The following TNC variants were observed in gnomAD, a reference collection of about 807,000 sequenced individuals.
TNC encodes tenascin C, also known as tenascin.
TNC carries 109 observed loss-of-function variants against 202.4 expected under a neutral mutation model. The ratio of observed to expected loss-of-function variants is 0.54; its 90% CI spans 0.46 to 0.63. The LOEUF is 0.63. Among genes scored for constraint, TNC ranks in the 30% least tolerant of loss-of-function variants. TNC has a pLI of 0.00. For missense variants in TNC, 2,756 were observed against 2,833.3 expected, an observed-to-expected ratio of 0.97 and a Z score of 0.62; for synonymous variants, 1,007 against 1,089.7, an observed-to-expected ratio of 0.92 and a Z score of 1.50.
intron 2 of TNC, among the ~76,000 whole-genome samples, chr9:115,087,549 TGTG>T (rs1179500223): frequency 2.3e-5 from 1 of 43,568 alleles, no homozygotes; most frequent in Non-Finnish European, 4.5e-5. Context: ...TGTGTGTGTG[TGTG>T]TGTGTGTGTG....
chr9:115,071,005 T>C (rs1253479243), intron 10 of TNC, among the ~76,000 whole-genome samples: 1 of 152,234 alleles, frequency 6.6e-6, no homozygotes, highest in Non-Finnish European at 1.5e-5. Flanking sequence ...TCCTGAGCAC[T>C]GGCTGCACCC....
In TNC at chr9:115,063,037, G is replaced by C; in HGVS notation, c.3913C>G (p.Pro1305Ala). The stretch of plus-strand genomic sequence containing the variant: ...ATTTCCATGGAACGCAGGCTGCCAG[G>C]AACCGTGAGATTGTGAGCCTCTTCC... Reference protein sequence around the residue: ...QVEEAHNLTVPGSLRSMEIPG... With the variant: ...QVEEAHNLTVAGSLRSMEIPG... Residue 1305 changes from proline to alanine, a missense_variant, in exon 13 of 28, where the codon CCT becomes GCT. This residue lies in a region of TNC where 2,559 missense variants were observed against 2,546.0 expected (regional missense o/e 1.01). Transcript: ENST00000350763. 6.2e-7 allele frequency: 1 copy of C among 1,614,130 alleles called. No homozygotes were observed.
intron 15 of TNC, chr9:115,055,388 G>A (rs1423823712): frequency 2.0e-5 from 3 of 152,588 alleles, no homozygotes; most frequent in Non-Finnish European, 4.4e-5. Flanking sequence ...GGAGCAACTA[G>A]GAGGGTGAAA....
chr9:115,067,406 G>A (rs1196303546), intron 10 of TNC, among the ~76,000 whole-genome samples: 1 of 152,128 alleles, frequency 6.6e-6, no homozygotes, highest in Non-Finnish European at 1.5e-5. Context: ...GTACCCCTTC[G>A]TGTGAATTAA....
intron 1 of TNC, among the ~76,000 whole-genome samples, chr9:115,108,775 T>C (rs887554738): frequency 7.9e-5 from 12 of 152,190 alleles, no homozygotes; most frequent in African/African-American, 2.9e-4. Flanking sequence ...GCTTCATAAA[T>C]AGAATTTGTG....
intron 1 of TNC, among the ~76,000 whole-genome samples, chr9:115,114,463 A>T (rs574369934): frequency 1.1e-4 from 16 of 152,214 alleles, no homozygotes; most frequent in Admixed American, 2.0e-4. Context: ...GAGTGACCTG[A>T]CTGCTACCTC....
At chr9:115,097,410 A>T (rs1835877815) in intron 1 of TNC, among the ~76,000 whole-genome samples, 1 of 152,238 alleles carries the variant, frequency 6.6e-6, no homozygotes. Context: ...TCCAATAGAG[A>T]ATAGATCAGA....
rs1832685026 is a variant in TNC at position 115,063,145 on chromosome 9, A to G, written c.3805T>C (p.Trp1269Arg). ...MGNLTVTEVSWDALRLNWTTP... is the reference protein window; with the variant it reads ...MGNLTVTEVSRDALRLNWTTP... ...GTCCAGTTCAGTCTGAGAGCATCCC[A>G]GCTAACCTCGGTCACTGTGAGGTTT... Residue 1269 changes from tryptophan (W) to arginine (R), a missense_variant, in exon 13 of 28, where the codon TGG (tryptophan) becomes CGG (arginine). By Grantham distance (101) the Trp-to-Arg change is moderately radical. Transcript: ENST00000350763. 1 of 1,614,098 alleles carries G rather than the reference A, an allele frequency of 6.2e-7. No individual in the cohort carries two copies.
At chr9:115,075,552 C>T (rs796861893) in intron 9 of TNC, among the ~76,000 whole-genome samples, 2 of 152,166 alleles carry the variant, frequency 1.3e-5, no homozygotes, top group Non-Finnish European at 2.9e-5. Context: ...TTTGGGAGGC[C>T]GAGGTGGGCG....
At chr9:115,108,656 G>T (rs117107472) in intron 1 of TNC, among the ~76,000 whole-genome samples, 1,535 of 152,218 alleles carry the variant, frequency 0.01, 11 homozygotes, top group Admixed American at 0.019. Context: ...CCCCTGCTAT[G>T]GTCTGAATGT....
chr9:115,063,828 C>G lies in TNC; in HGVS notation c.3728G>C (p.Ser1243Thr), dbSNP rs768261390. 11 of 1,613,856 alleles carry G rather than the reference C, an allele frequency of 6.8e-6. No homozygotes were observed. Among genetic ancestry groups the G allele is most frequent in the Admixed American group, 1.7e-5 (1 of 59,992 alleles). The change falls in exon 12 of 28, where the codon AGC becomes ACC. Residue 1243 changes from serine (S) to threonine (T), a missense_variant. By Grantham distance (58) the Ser-to-Thr change is moderately conservative (BLOSUM62 1). Coordinates refer to ENST00000350763, the MANE Select transcript of TNC (RefSeq NM_002160.4). ...ITIRGVTQDF[S>T]TTPLSVEVLT... is the part of the protein sequence containing the mutation. ...GACTTCAACAGAGAGAGGGGTTGTG[C>G]TGAAGTCCTGAGTGACCCCGCGGAT... is the stretch of plus-strand genomic sequence containing the variant.
At position 115,036,159 on chromosome 9, in the gene TNC, C is replaced by T. The variant is rs1006832092; in HGVS notation, c.5595G>A (p.Leu1865=). The T allele has an allele frequency of 1.4e-5, 23 of 1,614,168 alleles. No individual in the cohort carries two copies. Among genetic ancestry groups the T allele is most frequent in the Non-Finnish European group, 1.9e-5 (22 of 1,180,018 alleles). The change falls in exon 21 of 28, where the codon CTG becomes CTA. Residue 1865 remains leucine, a synonymous_variant. Transcript: ENST00000350763. The part of the protein sequence containing the change: ...TDLEPATEYT[L]RIFAEKGPQK... Reference sequence around the variant, plus strand: ...GGGGCCCTTTCTCTGCAAAGATTCTCAGTGTGTATTCCGTGGCAGGCTCGA... The same window carrying T: ...GGGGCCCTTTCTCTGCAAAGATTCTTAGTGTGTATTCCGTGGCAGGCTCGA...
chr9:115,049,028 A>G (rs565448463), intron 15 of TNC, among the ~76,000 whole-genome samples: 2 of 151,890 alleles, frequency 1.3e-5, no homozygotes, highest in East Asian at 1.9e-4. Flanking sequence ...AATGAAGTCA[A>G]TTAGTGAGAT....
At chr9:115,044,050 A>G (rs969529965) in intron 17 of TNC, among the ~76,000 whole-genome samples, 23 of 152,144 alleles carry the variant, frequency 1.5e-4, no homozygotes, top group Admixed American at 1.3e-3. Flanking sequence ...ACACTGTCCC[A>G]TGGTTGTTGG....
intron 1 of TNC, among the ~76,000 whole-genome samples, chr9:115,096,896 C>A (rs1435670666): frequency 6.6e-6 from 1 of 152,144 alleles, no homozygotes; most frequent in Non-Finnish European, 1.5e-5. Flanking sequence ...AATCTTCTCC[C>A]CACGTTAAAC....
intron 15 of TNC, among the ~76,000 whole-genome samples, chr9:115,050,343 A>G (rs1282683346): frequency 6.6e-6 from 1 of 152,044 alleles, no homozygotes; most frequent in Non-Finnish European, 1.5e-5. Flanking sequence ...GATTCCCAAG[A>G]CTGGGTCTCT....
At position 115,041,362 on chromosome 9, in the gene TNC, A is replaced by G. The variant is rs865940993; in HGVS notation, c.5249-278T>C. Among the ~76,000 whole-genome samples, 8 of 150,966 alleles carry G rather than the reference A, an allele frequency of 5.3e-5. No individual in the cohort carries two copies. The Middle Eastern group carries it at 0.014, about 268-fold the overall frequency. ...TAAAAATGGCAAGTTTCCGTTCAGTAGAGAGCTGGCACGTTGTGCAAATTT... is the reference window on the plus strand; with the variant it reads ...TAAAAATGGCAAGTTTCCGTTCAGTGGAGAGCTGGCACGTTGTGCAAATTT... On this transcript the variant is annotated intron_variant, in intron 18 of 27. Coordinates refer to ENST00000350763, the MANE Select transcript of TNC (RefSeq NM_002160.4).
At position 115,060,012 on chromosome 9, in the gene TNC, G is replaced by T. The variant is rs368678324; in HGVS notation, c.4034-10C>A. 6 of 1,605,304 alleles carry T rather than the reference G, an allele frequency of 3.7e-6. No homozygotes were observed. The African/African-American group carries it at 8.0e-5, about 21-fold the overall frequency. ...AGCTGTGGGAGATCCTCTGAAGAAGGACAGAAAAGTATTTGTCAGTTCTAT... is the reference window on the plus strand; with the variant it reads ...AGCTGTGGGAGATCCTCTGAAGAAGTACAGAAAAGTATTTGTCAGTTCTAT... On this transcript the variant is annotated splice_polypyrimidine_tract_variant and intron_variant, in intron 13 of 27. Transcript: ENST00000350763.
chr9:115,106,370 A>T (rs1836613309), intron 1 of TNC, among the ~76,000 whole-genome samples: 1 of 152,326 alleles, frequency 6.6e-6, no homozygotes, highest in South Asian at 2.1e-4. Context: ...GTTACCTTTG[A>T]AGTAAGATTC....
Sources: allele counts gnomAD v4.1 joint callset (sites outside exome capture counted in the v4.1 genomes callset), GRCh38; gene constraint gnomAD v4.1.1; regional missense constraint gnomAD v4.1.1; transcripts MANE v1.5; gene names NCBI Gene and HGNC (gene_info 2026-07-23, HGNC 2026-07-21).